The following PCDHA10 variants were observed in gnomAD, a reference collection of about 807,000 sequenced individuals.
PCDHA10 encodes protocadherin alpha 10, also known as protocadherin alpha-10.
In PCDHA10, 45 loss-of-function variants were observed where a neutral mutation model predicts 61.2. The ratio of observed to expected loss-of-function variants is 0.74; its 90% confidence interval spans 0.58 to 0.94. The LOEUF (loss-of-function observed/expected upper bound fraction) is 0.94. PCDHA10 is among the 40% of genes least tolerant of loss of function. The pLI is 0.00. For missense variants in PCDHA10, 1,278 were observed against 1,236.2 expected (o/e 1.03, Z -0.51); for synonymous variants, 602 against 548.8 (o/e 1.10, Z -1.35).
chr5:140,962,288 A>G (rs1310558261), intron 1 of PCDHA10, among the ~76,000 whole-genome samples: 2 of 152,192 alleles, frequency 1.3e-5, no homozygotes, highest in African/African-American at 4.8e-5. Flanking sequence ...TCAACCTTTA[A>G]TATTCTATGA....
intron 1 of PCDHA10, among the ~76,000 whole-genome samples, chr5:140,909,491 A>T (rs1031839388): frequency 1.3e-5 from 2 of 152,218 alleles, no homozygotes; most frequent in Non-Finnish European, 2.9e-5. Flanking sequence ...GGAGAGCTGA[A>T]CGGGGATGTG....
intron 1 of PCDHA10, among the ~76,000 whole-genome samples, chr5:140,895,167 T>G (rs1289758040): frequency 6.6e-6 from 1 of 152,186 alleles, no homozygotes; most frequent in African/African-American, 2.4e-5. Flanking sequence ...CAATCCAATC[T>G]ATTTGTAGTC....
chr5:140,896,980 C>A (rs2065827913), intron 1 of PCDHA10, among the ~76,000 whole-genome samples: 1 of 152,032 alleles, frequency 6.6e-6, no homozygotes, highest in South Asian at 2.1e-4. Context: ...ACAAACAAAC[C>A]AGTTATGCTC....
chr5:140,911,502 G>A (rs911736161), intron 1 of PCDHA10, among the ~76,000 whole-genome samples: 4 of 152,104 alleles, frequency 2.6e-5, no homozygotes, highest in Admixed American at 1.3e-4. Flanking sequence ...CAGGTTTGAG[G>A]TTCAGTATCT....
intron 1 of PCDHA10, chr5:140,869,866 G>A (rs1165429955): frequency 1.9e-6 from 3 of 1,610,400 alleles, no homozygotes; most frequent in Non-Finnish European, 1.7e-6. Flanking sequence ...TATGGAAAAT[G>A]CTGCTAAAGA....
intron 1 of PCDHA10, chr5:140,968,681 A>G: frequency 1.9e-6 from 3 of 1,614,158 alleles, no homozygotes; most frequent in Non-Finnish European, 2.5e-6. Context: ...AGAGCTGCAC[A>G]CAGGAGAAAT....
chr5:140,898,114 G>A (rs367767804), intron 1 of PCDHA10, among the ~76,000 whole-genome samples: 18 of 151,862 alleles, frequency 1.2e-4, no homozygotes, highest in Non-Finnish European at 2.4e-4. Context: ...AGTAGGTTGC[G>A]AAAATTTTCT....
At chr5:140,903,370 G>A (rs1185137848) in intron 1 of PCDHA10, among the ~76,000 whole-genome samples, 8 of 152,136 alleles carry the variant, frequency 5.3e-5, no homozygotes, top group African/African-American at 1.9e-4. Flanking sequence ...AAAAATATAG[G>A]GAGGATTGTG....
chr5:140,978,860 A>G, intron 1 of PCDHA10, 89 bp from the exon 2 acceptor site: 1 of 1,598,356 alleles, frequency 6.3e-7, no homozygotes, highest in African/African-American at 1.3e-5. Context: ...GCCTGGAAAT[A>G]TTTAAGGGAG....
intron 1 of PCDHA10, chr5:140,967,112 C>G: frequency 6.2e-7 from 1 of 1,612,994 alleles, no homozygotes; most frequent in Non-Finnish European, 8.5e-7. Context: ...GCAGCGGCCT[C>G]GCTGCCTGCT....
chr5:140,870,080 C>T (rs2051640102), intron 1 of PCDHA10: 1 of 1,613,722 alleles, frequency 6.2e-7, no homozygotes, highest in Non-Finnish European at 8.5e-7. Flanking sequence ...GATAAGGGGA[C>T]TCCCCCAATG....
At chr5:140,862,288 G>A in intron 1 of PCDHA10, 1 of 264,980 alleles carries the variant, frequency 3.8e-6, no homozygotes, top group East Asian at 9.0e-5. Context: ...CTGTACAGGA[G>A]GACGCTCCAC....
intron 1 of PCDHA10, among the ~76,000 whole-genome samples, chr5:140,959,594 A>G (rs1420498368): frequency 6.6e-6 from 1 of 152,220 alleles, no homozygotes; most frequent in African/African-American, 2.4e-5. Flanking sequence ...TCAGCCAAGT[A>G]TAACATGCTT....
intron 1 of PCDHA10, among the ~76,000 whole-genome samples, chr5:140,894,883 A>ACC (rs1407725642): frequency 6.6e-6 from 1 of 152,200 alleles, no homozygotes; most frequent in African/African-American, 2.4e-5. Flanking sequence ...TTTAGAAGAA[A>ACC]CAGACCAGGA....
At chr5:140,961,384 A>G (rs568973458) in intron 1 of PCDHA10, among the ~76,000 whole-genome samples, 44 of 152,302 alleles carry the variant, frequency 2.9e-4, no homozygotes, top group Non-Finnish European at 5.7e-4. Flanking sequence ...AGTTTGAACT[A>G]TTCCATTAGT....
chr5:140,912,533 A>G (rs570012858), intron 1 of PCDHA10, among the ~76,000 whole-genome samples: 1 of 152,224 alleles, frequency 6.6e-6, no homozygotes, highest in African/African-American at 2.4e-5. Flanking sequence ...AGAGTACATG[A>G]TCATATTGTC....
chr5:140,856,917 G>C lies in PCDHA10; in HGVS notation c.869G>C (p.Arg290Thr), dbSNP rs782649806. 6.3e-7 allele frequency: 1 copy of C among 1,595,592 alleles called. No homozygotes were observed. The highest frequency in any genetic ancestry group is 8.6e-7 in the Non-Finnish European group (1 of 1,165,446). Residue 290 changes from arginine (R) to threonine (T), a missense_variant, in exon 1 of 4, where the codon AGG becomes ACG. Coordinates refer to ENST00000307360, the MANE Select transcript of PCDHA10 (RefSeq NM_018901.4). ...FSSLVPPTIRRKFWINERTGE... is the reference protein window; with the variant it reads ...FSSLVPPTIRTKFWINERTGE... ...TCTTTGGTCCCACCCACGATAAGAA[G>C]GAAATTTTGGATAAACGAAAGGACG...
At chr5:140,928,932 G>T in intron 1 of PCDHA10, 5 of 1,614,108 alleles carry the variant, frequency 3.1e-6, no homozygotes, top group Non-Finnish European at 2.5e-6. Flanking sequence ...TTTCTGCCCA[G>T]AACTTGTATT....
chr5:140,967,217 C>T, intron 1 of PCDHA10: 1 of 1,613,682 alleles, frequency 6.2e-7, no homozygotes, highest in Non-Finnish European at 8.5e-7. Flanking sequence ...TTTCCCGCGG[C>T]CCAACTACCA....
Sources: allele counts gnomAD v4.1 joint callset (sites outside exome capture counted in the v4.1 genomes callset), GRCh38; gene constraint gnomAD v4.1.1; transcripts MANE v1.5; gene names NCBI Gene and HGNC (gene_info 2026-07-23, HGNC 2026-07-21).